ATE1: variants seen among roughly 807,000 people sequenced by gnomAD.
ATE1 encodes arginyltransferase 1.
ATE1 carries 36 observed loss-of-function variants against 70.5 expected under a neutral mutation model. The observed-to-expected ratio is 0.51, with a 90% CI of 0.39 to 0.67. The LOEUF is 0.67. Ranked by LOEUF, ATE1 falls within the 30% of genes least tolerant of loss-of-function variation. ATE1 has a pLI of 0.00. For synonymous variants in ATE1, 232 were observed against 219.3 expected (o/e 1.06, Z -0.51); for missense variants, 593 against 629.5 (o/e 0.94, Z 0.62).
intron 9 of ATE1, 57 bp from the exon 10 acceptor site, chr10:121,836,874 A>G (rs1260553987): frequency 2.9e-6 from 3 of 1,048,952 alleles, no homozygotes; most frequent in East Asian, 2.4e-5. Flanking sequence ...TAATGTACAA[A>G]TATCTGTGTA....
intron 11 of ATE1, among the ~76,000 whole-genome samples, chr10:121,762,908 C>T (rs558092294): frequency 2.8e-4 from 42 of 152,240 alleles, no homozygotes; most frequent in African/African-American, 9.9e-4. Context: ...TTGTTTATAT[C>T]AATTAAACCT....
chr10:121,769,871 T>C (rs1945429325), intron 11 of ATE1, among the ~76,000 whole-genome samples: 3 of 152,204 alleles, frequency 2.0e-5, no homozygotes, highest in Admixed American at 2.0e-4. Context: ...CAAATGTGGG[T>C]AAACATGAAA....
At chr10:121,765,939 G>C (rs1945261633) in intron 11 of ATE1, among the ~76,000 whole-genome samples, 1 of 152,124 alleles carries the variant, frequency 6.6e-6, no homozygotes, top group African/African-American at 2.4e-5. Flanking sequence ...AGATATTGAT[G>C]GTCCCTTAAA....
At position 121,904,575 on chromosome 10, in the gene ATE1, A is replaced by T. The variant is rs569499723; in HGVS notation, c.584-1955T>A. Among the ~76,000 whole-genome samples the T allele has an allele frequency of 1.6e-4, 21 of 132,208 alleles. No homozygotes were observed. In the South Asian group the frequency reaches 5.5e-3, roughly 35 times the overall value. The allele number at this position is 132,208 out of a possible 152,430, so 86.7% of individuals were successfully genotyped here. On this transcript the variant is annotated intron_variant, in intron 5 of 11. Coordinates refer to ENST00000224652, the MANE Select transcript of ATE1 (RefSeq NM_001001976.3). ...AGAATTGCTTGAACCCAGTAGGTGG[A>T]GGTTGCAGTGAGCTGAGACTGCGCC...
At chr10:121,777,724 C>T (rs1193299631) in intron 11 of ATE1, among the ~76,000 whole-genome samples, 1 of 152,134 alleles carries the variant, frequency 6.6e-6, no homozygotes. Flanking sequence ...TGTGATTCCA[C>T]AGGAAATACT....
intron 7 of ATE1, among the ~76,000 whole-genome samples, chr10:121,873,426 G>GT (rs1293021210): frequency 6.6e-6 from 1 of 152,016 alleles, no homozygotes; most frequent in Non-Finnish European, 1.5e-5. Context: ...ACCAAGCCTG[G>GT]TACCATTGTT....
intron 11 of ATE1, among the ~76,000 whole-genome samples, chr10:121,779,377 C>T (rs1945883165): frequency 6.6e-6 from 1 of 152,276 alleles, no homozygotes; most frequent in South Asian, 2.1e-4. Flanking sequence ...ACTTAACACA[C>T]CTGCTCAAAT....
chr10:121,894,411 T>C (rs140417078), intron 7 of ATE1, among the ~76,000 whole-genome samples: 59 of 152,260 alleles, frequency 3.9e-4, no homozygotes, highest in African/African-American at 1.3e-3. Context: ...GAAAAAGATG[T>C]GTCATGCAAA....
At chr10:121,892,958 T>G (rs1950632001) in intron 7 of ATE1, among the ~76,000 whole-genome samples, 1 of 152,182 alleles carries the variant, frequency 6.6e-6, no homozygotes, top group Non-Finnish European at 1.5e-5. Flanking sequence ...AAATACATAC[T>G]GTCCTTTCTT....
At chr10:121,898,441 ATTTC>A (rs1950858529) in intron 7 of ATE1, among the ~76,000 whole-genome samples, 1 of 152,134 alleles carries the variant, frequency 6.6e-6, no homozygotes, top group Non-Finnish European at 1.5e-5. Flanking sequence ...AGGTGTAGGT[ATTTC>A]TTTCTAATTC....
At chr10:121,903,718 A>C (rs1951075706) in intron 5 of ATE1, among the ~76,000 whole-genome samples, 1 of 152,000 alleles carries the variant, frequency 6.6e-6, no homozygotes, top group Non-Finnish European at 1.5e-5. Context: ...TGCTTAGTTG[A>C]AGGTATCTGT....
At chr10:121,924,183 A>G (rs1951989151) in intron 2 of ATE1, 83 bp downstream of exon 2, 4 of 1,339,216 alleles carry the variant, frequency 3.0e-6, no homozygotes, top group Non-Finnish European at 4.2e-6. Context: ...CCTCTTTCCA[A>G]CAGGAAAGCA....
At chr10:121,825,409 T>A (rs1254615872) in intron 10 of ATE1, among the ~76,000 whole-genome samples, 1 of 152,192 alleles carries the variant, frequency 6.6e-6, no homozygotes, top group Non-Finnish European at 1.5e-5. Context: ...GCAGAAATTT[T>A]AAAAATTTTT....
chr10:121,773,825 G>A (rs1302415870), intron 11 of ATE1, among the ~76,000 whole-genome samples: 2 of 151,974 alleles, frequency 1.3e-5, no homozygotes, highest in Admixed American at 1.3e-4. Context: ...GTACTATAAA[G>A]CACAGCTTTT....
At chr10:121,806,027 C>A (rs1399068404) in intron 10 of ATE1, among the ~76,000 whole-genome samples, 3 of 152,110 alleles carry the variant, frequency 2.0e-5, no homozygotes, top group Admixed American at 6.6e-5. Context: ...GGGTAGTATT[C>A]CCGCAAAAGT....
At chr10:121,897,280 AG>A (rs1247584661) in intron 7 of ATE1, among the ~76,000 whole-genome samples, 1 of 152,248 alleles carries the variant, frequency 6.6e-6, no homozygotes, top group African/African-American at 2.4e-5. Flanking sequence ...ACCGGGCCAC[AG>A]AAACATTTTG....
At chr10:121,744,160 A>T (rs1427056095) in intron 11 of ATE1, among the ~76,000 whole-genome samples, 1 of 151,570 alleles carries the variant, frequency 6.6e-6, no homozygotes, top group Non-Finnish European at 1.5e-5. Flanking sequence ...AACCTCAAGT[A>T]ATCCTCCCGC....
In ATE1 at chr10:121,924,247, TTGTATC is replaced by T; in HGVS notation, c.170+13_170+18del. On this transcript the variant is annotated intron_variant, in intron 2 of 11. Coordinates refer to ENST00000224652, the MANE Select transcript of ATE1 (RefSeq NM_001001976.3). ...ACCTGAGTAACAGTAGGAAGTCTCTTTGTATCTGGAAGCTTTACCTTCGCCATCCTC... is the reference window on the plus strand; with the variant it reads ...ACCTGAGTAACAGTAGGAAGTCTCTTTGGAAGCTTTACCTTCGCCATCCTC... 1 of 1,610,048 alleles carries T rather than the reference TTGTATC, an allele frequency of 6.2e-7. No homozygotes were observed. The highest frequency in any genetic ancestry group is 8.5e-7 in the Non-Finnish European group (1 of 1,176,326).
chr10:121,903,273 A>C (rs2134333082), intron 5 of ATE1, among the ~76,000 whole-genome samples: 1 of 152,298 alleles, frequency 6.6e-6, no homozygotes, highest in African/African-American at 2.4e-5. Context: ...TACCTGCTGC[A>C]TTAAAAGGAC....
Sources: gnomAD v4.1 joint callset for allele counts (sites outside exome capture counted in the v4.1 genomes callset) on GRCh38, gnomAD v4.1.1 for gene constraint, MANE v1.5 for transcripts, NCBI Gene and HGNC (gene_info 2026-07-23, HGNC 2026-07-21) for gene names.